PDE4B: variants seen among roughly 807,000 people sequenced by gnomAD.
PDE4B encodes the protein phosphodiesterase 4B.
In PDE4B, 20 loss-of-function variants were observed where a neutral mutation model predicts 82.2. That is an observed-to-expected ratio of 0.24 (90% CI 0.17 to 0.35). The LOEUF is 0.35. Among genes scored for constraint, PDE4B ranks in the 10% least tolerant of loss-of-function variants. The pLI, the probability that PDE4B is intolerant of heterozygous loss-of-function variation, is 1.00. For missense variants in PDE4B, 655 were observed against 907.2 expected (o/e 0.72, Z 3.57); for synonymous variants, 320 against 318.9 (o/e 1.00, Z -0.04).
intron 3 of PDE4B, among the ~76,000 whole-genome samples, chr1:66,097,491 A>G (rs1645139841): frequency 6.6e-6 from 1 of 152,068 alleles, no homozygotes; most frequent in Admixed American, 6.6e-5. Context: ...GAAGTTATTT[A>G]TAAACACTGG....
chr1:66,091,053 A>G (rs1465836862), intron 3 of PDE4B, among the ~76,000 whole-genome samples: 1 of 152,010 alleles, frequency 6.6e-6, no homozygotes, highest in East Asian at 1.9e-4. Context: ...AGTGCCCTTG[A>G]CAGCACCCTG....
chr1:65,896,979 T>G (rs1414609905), intron 1 of PDE4B, among the ~76,000 whole-genome samples: 4 of 152,120 alleles, frequency 2.6e-5, no homozygotes, highest in Admixed American at 2.6e-4. Flanking sequence ...TGTGGTGAAA[T>G]GAAGAGCATG....
Position 65,892,581 on chromosome 1 carries a change from A to G in PDE4B, c.-70-20664A>G, listed in dbSNP as rs187984616. On this transcript the variant is annotated intron_variant, in intron 1 of 16. Coordinates refer to ENST00000341517, the MANE Select transcript of PDE4B (RefSeq NM_002600.4). ...TCTCTCCACTTAAAAGCGTGTCTGC[A>G]TCTGTACCCACCCTAACCCCAGTCC... Among the ~76,000 whole-genome samples the G allele has an allele frequency of 3.3e-5, 5 of 152,170 alleles. No homozygotes were observed. In the East Asian group the frequency reaches 9.6e-4, roughly 29 times the overall value.
intron 3 of PDE4B, among the ~76,000 whole-genome samples, chr1:66,202,839 C>T (rs1382265484): frequency 6.6e-6 from 1 of 151,918 alleles, no homozygotes; most frequent in African/African-American, 2.4e-5. Flanking sequence ...AGCATTTAGC[C>T]CATTTACATT....
chr1:65,999,179 T>C (rs1051635755), intron 3 of PDE4B, among the ~76,000 whole-genome samples: 1 of 152,214 alleles, frequency 6.6e-6, no homozygotes, highest in Non-Finnish European at 1.5e-5. Flanking sequence ...TAAATCCCAC[T>C]TGCGTTCTCT....
At chr1:66,090,210 A>G (rs1172317263) in intron 3 of PDE4B, among the ~76,000 whole-genome samples, 4 of 152,038 alleles carry the variant, frequency 2.6e-5, no homozygotes, top group Non-Finnish European at 5.9e-5. Flanking sequence ...AATAGCAGAA[A>G]GAAAGGATTA....
intron 3 of PDE4B, among the ~76,000 whole-genome samples, chr1:66,025,797 A>T (rs1268232975): frequency 6.6e-6 from 1 of 152,216 alleles, no homozygotes; most frequent in Non-Finnish European, 1.5e-5. Context: ...TATCCCATGT[A>T]CTTAGGTACA....
intron 1 of PDE4B, among the ~76,000 whole-genome samples, chr1:65,873,553 A>G (rs1048045111): frequency 6.6e-6 from 1 of 152,236 alleles, no homozygotes; most frequent in East Asian, 1.9e-4. Flanking sequence ...ATTATGTTGT[A>G]CAATGCAGTT....
chr1:65,887,241 T>TCTTC, intron 1 of PDE4B, among the ~76,000 whole-genome samples: 1 of 13,646 alleles, frequency 7.3e-5, no homozygotes, highest in Admixed American at 1.1e-3. Flanking sequence ...TTTCTTTCTT[T>TCTTC]CTTTCTTTTC....
intron 1 of PDE4B, among the ~76,000 whole-genome samples, chr1:65,801,038 T>TG (rs1331747883): frequency 2.0e-5 from 3 of 152,198 alleles, no homozygotes; most frequent in African/African-American, 4.8e-5. Context: ...AAGGTAGCAA[T>TG]GGCCCCTATG....
chr1:65,849,430 C>T (rs1027013163), intron 1 of PDE4B, among the ~76,000 whole-genome samples: 8 of 152,134 alleles, frequency 5.3e-5, no homozygotes, highest in African/African-American at 1.9e-4. Flanking sequence ...AGGGAGGTGC[C>T]AGGCTAGCAG....
At chr1:66,141,183 G>A in intron 3 of PDE4B, among the ~76,000 whole-genome samples, 1 of 151,492 alleles carries the variant, frequency 6.6e-6, no homozygotes, top group East Asian at 1.9e-4. Context: ...TGTGCTCCCT[G>A]CCATTACCTA....
At chr1:66,088,403 C>G (rs1014259294) in intron 3 of PDE4B, among the ~76,000 whole-genome samples, 2 of 152,046 alleles carry the variant, frequency 1.3e-5, no homozygotes, top group East Asian at 1.9e-4. Flanking sequence ...AAAGTCTAGA[C>G]AGGAGACATG....
At chr1:66,230,358 A>C (rs938656826) in intron 3 of PDE4B, among the ~76,000 whole-genome samples, 12 of 152,344 alleles carry the variant, frequency 7.9e-5, no homozygotes, top group African/African-American at 2.6e-4. Flanking sequence ...TCATACCATT[A>C]GGATTTTGAC....
At chr1:65,887,746 C>T (rs746125146) in intron 1 of PDE4B, among the ~76,000 whole-genome samples, 14 of 151,882 alleles carry the variant, frequency 9.2e-5, no homozygotes, top group Non-Finnish European at 1.5e-4. Context: ...ACCTATTTGC[C>T]ATTTGTCTGT....
At chr1:65,823,605 A>G (rs1020230983) in intron 1 of PDE4B, among the ~76,000 whole-genome samples, 3 of 151,932 alleles carry the variant, frequency 2.0e-5, no homozygotes, top group Non-Finnish European at 4.4e-5. Context: ...TCTCCCCACT[A>G]TCAATTCATC....
At chr1:65,976,947 G>A (rs777087821) in intron 3 of PDE4B, among the ~76,000 whole-genome samples, 32 of 152,290 alleles carry the variant, frequency 2.1e-4, no homozygotes, top group South Asian at 1.2e-3. Context: ...GGTAGTCACA[G>A]CCAACTAGTT....
intron 3 of PDE4B, among the ~76,000 whole-genome samples, chr1:65,942,263 T>G (rs1032400251): frequency 1.6e-4 from 24 of 152,124 alleles, no homozygotes; most frequent in African/African-American, 5.8e-4. Context: ...CATATATAAG[T>G]GAGATCATGT....
intron 3 of PDE4B, among the ~76,000 whole-genome samples, chr1:65,938,404 A>G (rs1648268691): frequency 1.3e-5 from 2 of 152,192 alleles, no homozygotes; most frequent in Non-Finnish European, 1.5e-5. Flanking sequence ...TCATCCTAGC[A>G]TTCATAAATT....
Sources: allele counts gnomAD v4.1 joint callset (sites outside exome capture counted in the v4.1 genomes callset), GRCh38; gene constraint gnomAD v4.1.1; transcripts MANE v1.5; gene names NCBI Gene and HGNC (gene_info 2026-07-23, HGNC 2026-07-21).